Variants in MIER2 observed in about 807,000 individuals in gnomAD.
The protein encoded by MIER2 is MIER family member 2, also known as mesoderm induction early response protein 2.
A neutral mutation model predicts 67.6 loss-of-function variants in MIER2; 30 were observed. That is an observed-to-expected ratio of 0.44 (90% CI 0.33 to 0.60). The LOEUF is 0.60. MIER2 is among the 20% of genes least tolerant of loss of function. The pLI is 0.02. For missense variants in MIER2, 702 were observed against 745.1 expected (o/e 0.94, Z 0.67); for synonymous variants, 372 against 312.6 (o/e 1.19, Z -2.00).
At chr19:313,833 G>A (rs1052715209) in intron 7 of MIER2, among the ~76,000 whole-genome samples, 190 bp from the exon 8 acceptor site, 5 of 152,074 alleles carry the variant, frequency 3.3e-5, no homozygotes, top group Non-Finnish European at 5.9e-5. Context: ...TTCAACTACC[G>A]AGTGGGTCCA....
At chr19:312,401 C>T (rs1200769133) in intron 8 of MIER2, 129 bp from the exon 9 acceptor site, 1 of 760,258 alleles carries the variant, frequency 1.3e-6, no homozygotes, top group Non-Finnish European at 2.2e-6. Context: ...TCAGAGCCAC[C>T]TACACCTCTA....
At position 308,500 on chromosome 19, in the gene MIER2, A is replaced by G; in HGVS notation, c.1198+77T>C. On this transcript the variant is annotated intron_variant, in intron 12 of 13. Coordinates refer to ENST00000264819, the MANE Select transcript of MIER2 (RefSeq NM_017550.3). The surrounding 1 kb of genome is among the most constrained non-coding windows in gnomAD (Gnocchi z 9.1). ...GGCCCAGCACAGGGCGCCAGGCAGGAGAGGCTCCACCGGGCCTCACTCACG... is the reference window on the plus strand; with the variant it reads ...GGCCCAGCACAGGGCGCCAGGCAGGGGAGGCTCCACCGGGCCTCACTCACG... The G allele has an allele frequency of 7.0e-7, 1 of 1,432,932 alleles. No individual in the cohort carries two copies. The highest frequency in any genetic ancestry group is 9.4e-7 in the Non-Finnish European group (1 of 1,058,584). The allele number at this position is 1,432,932 out of a possible 1,614,324, so 88.8% of individuals were successfully genotyped here. A position where few individuals can be genotyped will look rare whatever the true frequency, so the allele number is the denominator to read the frequency against.
intron 7 of MIER2, among the ~76,000 whole-genome samples, chr19:324,625 C>T (rs543803320): frequency 2.5e-4 from 38 of 151,364 alleles, no homozygotes; most frequent in African/African-American, 8.8e-4. Flanking sequence ...GCAGACGACT[C>T]GAATGACACA....
intron 6 of MIER2, among the ~76,000 whole-genome samples, chr19:326,254 T>C (rs60918406): frequency 0.054 from 3,724 of 68,642 alleles, 69 homozygotes; most frequent in African/African-American, 0.12. Context: ...GAGCCACGGT[T>C]GGGATGCCAG....
intron 7 of MIER2, among the ~76,000 whole-genome samples, chr19:318,694 G>A (rs1267351899): frequency 6.6e-6 from 1 of 152,160 alleles, no homozygotes; most frequent in Non-Finnish European, 1.5e-5. Flanking sequence ...ATAAAGCGAG[G>A]TGCAACTAAT....
chr19:305,711 G>C lies in MIER2; in HGVS notation c.*979C>G, dbSNP rs866247248. ...GGGGCTCGAGCACAAGAGGCCGGAC[G>C]ACACCCGGGGCAGGGCGCGCCGCCG... On this transcript the variant is annotated 3_prime_UTR_variant, in exon 14 of 14. Coordinates refer to ENST00000264819, the MANE Select transcript of MIER2 (RefSeq NM_017550.3). 1 of 152,536 alleles carries C rather than the reference G, an allele frequency of 6.6e-6. No individual in the cohort carries two copies. Among genetic ancestry groups the C allele is most frequent in the Non-Finnish European group, 1.5e-5 (1 of 68,092 alleles). The allele number at this position is 152,536 out of a possible 1,614,324, so 9.4% of individuals were successfully genotyped here.
intron 2 of MIER2, 123 bp downstream of exon 2, chr19:335,960 A>G: frequency 1.1e-6 from 1 of 886,480 alleles, no homozygotes. Flanking sequence ...GGGAGCTGGG[A>G]CACCCTGGAC....
chr19:333,937 G>C lies in MIER2; in HGVS notation c.243+463C>G, dbSNP rs564118017. 2.4e-3 allele frequency among the ~76,000 whole-genome samples: 367 copies of C among 151,704 alleles called. 3 individuals carry two copies. Among genetic ancestry groups the C allele is most frequent in the African/African-American group, 8.4e-3 (346 of 41,352 alleles). On this transcript the variant is annotated intron_variant, in intron 3 of 13. Coordinates refer to ENST00000264819, the MANE Select transcript of MIER2 (RefSeq NM_017550.3). ...TCGATCTCCTGACCTTGTGATCCGC[G>C]CACCTCGGCCTCCCAAAGTGCTGGG...
chr19:310,750 A>G (rs1324570332), intron 10 of MIER2, among the ~76,000 whole-genome samples: 1 of 133,760 alleles, frequency 7.5e-6, no homozygotes, highest in Non-Finnish European at 1.6e-5. Context: ...CACAGCCCGG[A>G]GCTACAGAAA....
Position 307,119 on chromosome 19 carries a change from T to TGGG in MIER2, c.1615_1616insCCC (p.Ser538_His539insPro). 1 of 1,579,834 alleles carries TGGG rather than the reference T, an allele frequency of 6.3e-7. No homozygotes were observed. The highest frequency in any genetic ancestry group is 8.6e-7 in the Non-Finnish European group (1 of 1,162,928). On this transcript the variant is annotated inframe_insertion and splice_region_variant, in exon 13 of 14. Transcript: ENST00000264819. ...GCTCCGGGCATGGGGTGGCACTCACTGTGACAGGGGCTCCGAGTGTAGCCC... is the reference window on the plus strand; with the variant it reads ...GCTCCGGGCATGGGGTGGCACTCACTGGGGTGACAGGGGCTCCGAGTGTAGCCC...
intron 1 of MIER2, among the ~76,000 whole-genome samples, chr19:342,554 G>T (rs963068824): frequency 6.6e-6 from 1 of 150,982 alleles, no homozygotes. Flanking sequence ...AAAAGCCATG[G>T]AGGGTTTTAG....
At chr19:329,255 T>C (rs34444016) in intron 3 of MIER2, among the ~76,000 whole-genome samples, 7,107 of 152,296 alleles carry the variant, frequency 0.047, 256 homozygotes, top group Non-Finnish European at 0.078. Context: ...ATATCTACAC[T>C]GAGTCCCCCT....
chr19:337,143 G>A (rs892333720), intron 1 of MIER2, among the ~76,000 whole-genome samples: 3 of 151,846 alleles, frequency 2.0e-5, no homozygotes, highest in African/African-American at 4.8e-5. Flanking sequence ...CGCAAGCCAC[G>A]ATATCTCTCA....
At chr19:327,493 G>A (rs926233416) in intron 4 of MIER2, among the ~76,000 whole-genome samples, 4 of 152,242 alleles carry the variant, frequency 2.6e-5, no homozygotes, top group African/African-American at 4.8e-5. Context: ...GCACACGCCC[G>A]GAGTGCATGG....
intron 7 of MIER2, among the ~76,000 whole-genome samples, chr19:324,218 G>A (rs532401748): frequency 5.1e-5 from 7 of 137,492 alleles, no homozygotes; most frequent in South Asian, 4.5e-4. Flanking sequence ...TGACACAGAC[G>A]TCATCACAAT....
At chr19:316,462 G>C (rs1214679251) in intron 7 of MIER2, among the ~76,000 whole-genome samples, 1 of 152,002 alleles carries the variant, frequency 6.6e-6, no homozygotes, top group Non-Finnish European at 1.5e-5. Context: ...GCTAATTTTT[G>C]TATTTTTAGT....
chr19:310,958 C>T (rs1223104874), intron 10 of MIER2, among the ~76,000 whole-genome samples: 1 of 152,240 alleles, frequency 6.6e-6, no homozygotes, highest in Non-Finnish European at 1.5e-5. Context: ...AATCAAAACA[C>T]CACGTGGTGC....
chr19:322,738 C>T lies in MIER2; in HGVS notation c.655+2897G>A, dbSNP rs116738816. On this transcript the variant is annotated intron_variant, in intron 7 of 13. Transcript: ENST00000264819. ...ATTAGTGAGAAACTCAAGCAGTATGCGTCACCCTAAGCACACACCTCCCAC... is the reference window on the plus strand; with the variant it reads ...ATTAGTGAGAAACTCAAGCAGTATGTGTCACCCTAAGCACACACCTCCCAC... Among the ~76,000 whole-genome samples the T allele has an allele frequency of 3.9e-3, 591 of 152,110 alleles. 5 individuals are homozygous for T. Among genetic ancestry groups the T allele is most frequent in the African/African-American group, 0.013 (556 of 41,468 alleles).
chr19:328,071 C>T lies in MIER2; in HGVS notation c.244-82G>A, dbSNP rs1600155674. On this transcript the variant is annotated intron_variant, in intron 3 of 13. Coordinates refer to ENST00000264819, the MANE Select transcript of MIER2 (RefSeq NM_017550.3). ...TCCCTGTCCTCTTGCCTGAGCCTCACTGGCCACAACCAGGGCCACTCTGTC... is the reference window on the plus strand; with the variant it reads ...TCCCTGTCCTCTTGCCTGAGCCTCATTGGCCACAACCAGGGCCACTCTGTC... 6 of 1,569,828 alleles carry T rather than the reference C, an allele frequency of 3.8e-6. No homozygotes were observed. In the East Asian group the frequency reaches 7.0e-5, roughly 18 times the overall value.
Sources: gnomAD v4.1 joint callset for allele counts (sites outside exome capture counted in the v4.1 genomes callset) on GRCh38, gnomAD v4.1.1 for gene constraint, Gnocchi (gnomAD v3.1) non-coding constraint, MANE v1.5 for transcripts, NCBI Gene and HGNC (gene_info 2026-07-23, HGNC 2026-07-21) for gene names.